KLHL11: variants seen among roughly 807,000 people sequenced by gnomAD.
KLHL11 encodes the protein kelch-like protein 11.
In KLHL11, 26 loss-of-function variants were observed where a neutral mutation model predicts 56.1. The observed-to-expected ratio is 0.46, with a 90% CI of 0.34 to 0.64. KLHL11 has a LOEUF of 0.64. Among genes scored for constraint, KLHL11 ranks in the 30% least tolerant of loss-of-function variants. The pLI, the probability that KLHL11 is intolerant of heterozygous loss-of-function variation, is 0.01. For synonymous variants in KLHL11, 338 were observed against 345.8 expected (o/e 0.98, Z 0.25); for missense variants, 627 against 919.4 (o/e 0.68, Z 4.11).
At position 41,864,803 on chromosome 17, in the gene KLHL11, G is replaced by A. The variant is rs548072771; in HGVS notation, c.545+23C>T. ...CCCCTCTCCGCGCCCGCCGCCCTCC[G>A]CGCTCCCGCCTCCCTCGCCTACCTG... On this transcript the variant is annotated intron_variant, in intron 1 of 1. Coordinates refer to ENST00000319121, the MANE Select transcript of KLHL11 (RefSeq NM_018143.3). 3 of 1,470,752 alleles carry A rather than the reference G, an allele frequency of 2.0e-6. No individual in the cohort carries two copies. In the South Asian group the frequency reaches 4.2e-5, roughly 21 times the overall value. 91.1% of individuals were successfully genotyped at this position (1,470,752 alleles called of 1,614,324 possible).
chr17:41,863,163 C>T (rs1555623204), intron 1 of KLHL11, among the ~76,000 whole-genome samples: 1 of 151,134 alleles, frequency 6.6e-6, no homozygotes, highest in African/African-American at 2.4e-5. Flanking sequence ...TTGGTGCCCC[C>T]TCCTCCCCAA....
At chr17:41,862,670 GA>G (rs1555623144) in intron 1 of KLHL11, among the ~76,000 whole-genome samples, 3 of 152,106 alleles carry the variant, frequency 2.0e-5, no homozygotes, top group African/African-American at 7.2e-5. Context: ...AAAGTGCTGA[GA>G]TTACAGGCGT....
chr17:41,854,432 C>A lies in KLHL11; in HGVS notation c.1435G>T (p.Asp479Tyr). The change falls in exon 2 of 2, where the codon GAT (aspartate) becomes TAT (tyrosine). Residue 479 changes from aspartate (D) to tyrosine (Y), a missense_variant. Around this residue, in one of 4 missense-constraint regions of KLHL11, gnomAD observed 250 missense variants for 360.6 expected, o/e 0.69. Coordinates refer to ENST00000319121, the MANE Select transcript of KLHL11 (RefSeq NM_018143.3). The surrounding 1 kb of genome is among the most constrained non-coding windows in gnomAD (Gnocchi z 4.9). ...KDVTVYNPEL[D>Y]KWHNLESAPK... ...GCCGATTCCAAGTTGTGCCATTTATCAAGCTCAGGATTATAAACAGTCACA... is the reference window on the plus strand; with the variant it reads ...GCCGATTCCAAGTTGTGCCATTTATAAAGCTCAGGATTATAAACAGTCACA... The A allele has an allele frequency of 6.2e-7, 1 of 1,614,176 alleles. No homozygotes were observed. The highest frequency in any genetic ancestry group is 8.5e-7 in the Non-Finnish European group (1 of 1,180,038).
intron 1 of KLHL11, 52 bp from the exon 2 acceptor site, chr17:41,855,373 T>C (rs1050822043): frequency 7.2e-7 from 1 of 1,384,600 alleles, no homozygotes; most frequent in Non-Finnish European, 9.8e-7. Context: ...GCATATTTTA[T>C]GTGGTTACTT....
rs1273953537 is a variant in KLHL11 at position 41,853,043 on chromosome 17, T to C, written c.*697A>G. ...CTTGCTCTGTATTTAGTCAATTAGCTAAAGATCTATACTTTTGCCAACTAC... is the reference window on the plus strand; with the variant it reads ...CTTGCTCTGTATTTAGTCAATTAGCCAAAGATCTATACTTTTGCCAACTAC... On this transcript the variant is annotated 3_prime_UTR_variant, in exon 2 of 2. Transcript: ENST00000319121. Among the ~76,000 whole-genome samples the C allele has an allele frequency of 6.6e-6, 1 of 152,162 alleles. No homozygotes were observed. Among genetic ancestry groups the C allele is most frequent in the Non-Finnish European group, 1.5e-5 (1 of 68,026 alleles).
At chr17:41,859,149 G>T (rs1200155356) in intron 1 of KLHL11, among the ~76,000 whole-genome samples, 1 of 151,624 alleles carries the variant, frequency 6.6e-6, no homozygotes, top group African/African-American at 2.4e-5. Context: ...AGGGGATGGG[G>T]TACTGAGAAG....
chr17:41,854,417 A>C lies in KLHL11; in HGVS notation c.1450T>G (p.Leu484Val). ...YNPELDKWHN[L>V]ESAPKILRDV... ...CGAAGAATCTTTGGTGCCGATTCCA[A>C]GTTGTGCCATTTATCAAGCTCAGGA... The change falls in exon 2 of 2, where the codon TTG becomes GTG. Residue 484 changes from leucine (L) to valine (V), a missense_variant. By Grantham distance (32) the Leu-to-Val change is conservative (BLOSUM62 1). This residue lies in a region of KLHL11 where 250 missense variants were observed against 360.6 expected (regional missense o/e 0.69). Transcript: ENST00000319121. This position sits in a 1 kb window ranked among gnomAD's most constrained non-coding sequence, Gnocchi z 4.9. 1 of 1,614,182 alleles carries C rather than the reference A, an allele frequency of 6.2e-7. No individual in the cohort carries two copies. The highest frequency in any genetic ancestry group is 8.5e-7 in the Non-Finnish European group (1 of 1,180,036).
chr17:41,863,078 T>C (rs2048414575), intron 1 of KLHL11, among the ~76,000 whole-genome samples: 1 of 152,068 alleles, frequency 6.6e-6, no homozygotes, highest in Non-Finnish European at 1.5e-5. Flanking sequence ...CTCATCACCT[T>C]TACTTCTCCC....
intron 1 of KLHL11, among the ~76,000 whole-genome samples, chr17:41,863,098 G>A (rs753621560): frequency 1.1e-3 from 163 of 151,472 alleles, no homozygotes; most frequent in Non-Finnish European, 8.2e-4. Context: ...CTCCTCAATC[G>A]AAGCCTCCAC....
At chr17:41,856,832 C>T (rs1187847043) in intron 1 of KLHL11, among the ~76,000 whole-genome samples, 1 of 151,586 alleles carries the variant, frequency 6.6e-6, no homozygotes, top group African/African-American at 2.4e-5. Context: ...GGCTGGCCAA[C>T]AACATGGTGA....
chr17:41,853,656 G>A lies in KLHL11; in HGVS notation c.*84C>T, dbSNP rs2048344262. The A allele has an allele frequency of 5.5e-6, 8 of 1,452,732 alleles. No homozygotes were observed. Among genetic ancestry groups the A allele is most frequent in the Non-Finnish European group, 7.4e-6 (8 of 1,083,170 alleles). 90.0% of individuals were successfully genotyped at this position (1,452,732 alleles called of 1,614,324 possible). The stretch of plus-strand genomic sequence containing the variant: ...CAGTTCATGTAGAAAATAAGTTATC[G>A]ACATACTTTTTTAAATAACAGCCTG... On this transcript the variant is annotated 3_prime_UTR_variant, in exon 2 of 2. Coordinates refer to ENST00000319121, the MANE Select transcript of KLHL11 (RefSeq NM_018143.3).
At chr17:41,859,767 A>C (rs1208130849) in intron 1 of KLHL11, among the ~76,000 whole-genome samples, 4 of 152,094 alleles carry the variant, frequency 2.6e-5, no homozygotes, top group Non-Finnish European at 4.4e-5. Context: ...AACAAAAGAA[A>C]GTGATCTGGC....
chr17:41,856,829 C>T (rs536485037), intron 1 of KLHL11, among the ~76,000 whole-genome samples: 25 of 151,764 alleles, frequency 1.6e-4, no homozygotes, highest in African/African-American at 6.0e-4. Flanking sequence ...CCAGGCTGGC[C>T]AACAACATGG....
At chr17:41,862,439 A>ATT (rs35656663) in intron 1 of KLHL11, among the ~76,000 whole-genome samples, 106,976 of 145,246 alleles carry the variant, frequency 0.74, 39,641 homozygotes, top group Admixed American at 0.83. Flanking sequence ...TGCCTGGCTA[A>ATT]TTTTTTTTTT....
In KLHL11 at chr17:41,854,136, T is replaced by C. The variant is rs782380679; in HGVS notation, c.1731A>G (p.Val577=). Residue 577 remains valine (V), a synonymous_variant, in exon 2 of 2, where the codon GTA becomes GTG. Coordinates refer to ENST00000319121, the MANE Select transcript of KLHL11 (RefSeq NM_018143.3). This position sits in a 1 kb window ranked among gnomAD's most constrained non-coding sequence, Gnocchi z 4.9. ...KSYCLENEEA[V]RKIASQVSDE... ...CAGACACTTGGCTGGCAATTTTTCTTACTGCCTCTTCGTTTTCTAAACAAT... is the reference window on the plus strand; with the variant it reads ...CAGACACTTGGCTGGCAATTTTTCTCACTGCCTCTTCGTTTTCTAAACAAT... 1 of 1,614,180 alleles carries C rather than the reference T, an allele frequency of 6.2e-7. No homozygotes were observed. Among genetic ancestry groups the C allele is most frequent in the Middle Eastern group, 1.6e-4 (1 of 6,062 alleles).
rs1754358937 is a variant in KLHL11, at chr17:41,851,843, G to T, written c.*1897C>A. On this transcript the variant is annotated 3_prime_UTR_variant, in exon 2 of 2. Transcript: ENST00000319121. ...GCAGGATGGCTTGCATCCAGGAGGT[G>T]GAGGTTGTAGTGAGCCGAGATCATA... 6.6e-6 allele frequency among the ~76,000 whole-genome samples: 1 copy of T among 151,676 alleles called. No individual in the cohort carries two copies. Among genetic ancestry groups the T allele is most frequent in the Admixed American group, 6.6e-5 (1 of 15,220 alleles).
At chr17:41,855,509 G>A (rs2048359202) in intron 1 of KLHL11, among the ~76,000 whole-genome samples, 188 bp from the exon 2 acceptor site, 1 of 152,132 alleles carries the variant, frequency 6.6e-6, no homozygotes, top group Non-Finnish European at 1.5e-5. Context: ...TTCCTGAGTA[G>A]TTGGGGCATA....
intron 1 of KLHL11, among the ~76,000 whole-genome samples, chr17:41,856,131 C>T (rs2048364831): frequency 6.6e-6 from 1 of 152,102 alleles, no homozygotes; most frequent in Non-Finnish European, 1.5e-5. Flanking sequence ...GCTGGGATTA[C>T]AGGCGTGTGC....
intron 1 of KLHL11, 97 bp downstream of exon 1, chr17:41,864,729 G>C (rs1305348804): frequency 2.4e-6 from 3 of 1,252,952 alleles, no homozygotes; most frequent in South Asian, 3.3e-5. Flanking sequence ...CTCAGGACTC[G>C]CGAGCTGCCG....
Sources: gnomAD v4.1 joint callset for allele counts (sites outside exome capture counted in the v4.1 genomes callset) on GRCh38, gnomAD v4.1.1 for gene constraint, gnomAD v4.1.1 regional missense constraint, Gnocchi (gnomAD v3.1) non-coding constraint, MANE v1.5 for transcripts, NCBI Gene and HGNC (gene_info 2026-07-23, HGNC 2026-07-21) for gene names.